LMX1B: variants seen among roughly 807,000 people sequenced by gnomAD.
The protein encoded by LMX1B is LIM homeobox transcription factor 1 beta.
Under a neutral mutation model 51.4 loss-of-function variants are expected in LMX1B, and 12 were observed. The observed-to-expected ratio is 0.23, with a 90% CI of 0.15 to 0.38. LMX1B has a LOEUF of 0.38. Among genes scored for constraint, LMX1B ranks in the 10% least tolerant of loss-of-function variants. LMX1B has a pLI of 1.00. For synonymous variants in LMX1B, 237 were observed against 235.4 expected (o/e 1.01, Z -0.06); for missense variants, 445 against 571.1 (o/e 0.78, Z 2.25).
At chr9:126,623,745 G>A (rs1255007242) in intron 2 of LMX1B, among the ~76,000 whole-genome samples, 1 of 141,636 alleles carries the variant, frequency 7.1e-6, no homozygotes, top group African/African-American at 2.6e-5. Flanking sequence ...GGAGCAGGGT[G>A]TCACTGACCT....
At chr9:126,693,458 C>T (rs1410868346) in intron 4 of LMX1B, 66 bp from the exon 5 acceptor site, 2 of 1,581,828 alleles carry the variant, frequency 1.3e-6, no homozygotes, top group South Asian at 1.1e-5. Flanking sequence ...CATCATACCC[C>T]TAAACCCACC....
chr9:126,683,441 G>A (rs75257263), intron 2 of LMX1B, among the ~76,000 whole-genome samples: 2,291 of 152,318 alleles, frequency 0.015, 70 homozygotes, highest in African/African-American at 0.052. Context: ...GGCACGTGGG[G>A]GAGATGTCAG....
rs1418850196 is a variant in LMX1B at position 126,677,751 on chromosome 9, C to T, written c.327-13085C>T. 2.0e-5 allele frequency among the ~76,000 whole-genome samples: 3 copies of T among 152,162 alleles called. No homozygotes were observed. Among genetic ancestry groups the T allele is most frequent in the Non-Finnish European group, 4.4e-5 (3 of 68,030 alleles). On this transcript the variant is annotated intron_variant, in intron 2 of 7. Transcript: ENST00000373474. The surrounding 1 kb of genome is among the most constrained non-coding windows in gnomAD (Gnocchi z 5.0). ...GTCTGCCAGCTTCATTCACAGCCTGCGTTCAAACATTCGAGCAGGAGCACA... is the reference window on the plus strand; with the variant it reads ...GTCTGCCAGCTTCATTCACAGCCTGTGTTCAAACATTCGAGCAGGAGCACA...
chr9:126,642,141 G>A (rs959531024), intron 2 of LMX1B, among the ~76,000 whole-genome samples: 3 of 152,182 alleles, frequency 2.0e-5, no homozygotes, highest in African/African-American at 7.2e-5. Flanking sequence ...TAGGAGGCTG[G>A]AGCTGAGTCT....
chr9:126,692,659 G>C (rs1486677440), intron 3 of LMX1B, among the ~76,000 whole-genome samples: 1 of 152,240 alleles, frequency 6.6e-6, no homozygotes, highest in Non-Finnish European at 1.5e-5. Flanking sequence ...ATACGCTGTG[G>C]TCAGAAGCAC....
chr9:126,617,343 G>A (rs1835322400), intron 2 of LMX1B, among the ~76,000 whole-genome samples: 1 of 151,830 alleles, frequency 6.6e-6, no homozygotes, highest in Non-Finnish European at 1.5e-5. Context: ...TGGGGGAAGG[G>A]GGCCCAGGAA....
chr9:126,682,013 G>A (rs1216490230), intron 2 of LMX1B, among the ~76,000 whole-genome samples: 4 of 135,866 alleles, frequency 2.9e-5, no homozygotes, highest in Non-Finnish European at 4.6e-5. Context: ...AGCTCTACCT[G>A]CACCTTGTCC....
At chr9:126,655,917 G>T (rs909021840) in intron 2 of LMX1B, among the ~76,000 whole-genome samples, 1 of 152,132 alleles carries the variant, frequency 6.6e-6, no homozygotes, top group African/African-American at 2.4e-5. Context: ...TTCCCAAAAG[G>T]GTATAGACAG....
intron 2 of LMX1B, among the ~76,000 whole-genome samples, chr9:126,670,800 T>C (rs1238227110): frequency 6.6e-6 from 1 of 152,220 alleles, no homozygotes; most frequent in Non-Finnish European, 1.5e-5. Flanking sequence ...AACGTTTCCA[T>C]GTAACACGGA....
At chr9:126,614,757 C>T (rs1254085017) in intron 1 of LMX1B, among the ~76,000 whole-genome samples, 169 bp downstream of exon 1, 2 of 152,154 alleles carry the variant, frequency 1.3e-5, no homozygotes, top group Non-Finnish European at 2.9e-5. Context: ...GCAAGTACGC[C>T]TCCGGCAGGC....
intron 2 of LMX1B, among the ~76,000 whole-genome samples, chr9:126,659,047 A>C (rs1281165373): frequency 6.6e-6 from 1 of 152,194 alleles, no homozygotes; most frequent in African/African-American, 2.4e-5. Context: ...CCTCTCCTTC[A>C]TGCACGCACA....
At chr9:126,678,329 CAA>C (rs942985684) in intron 2 of LMX1B, among the ~76,000 whole-genome samples, 1 of 117,820 alleles carries the variant, frequency 8.5e-6, no homozygotes, top group Admixed American at 8.1e-5. Context: ...AAACAAAAAA[CAA>C]AAAAAAAAAA....
intron 2 of LMX1B, among the ~76,000 whole-genome samples, chr9:126,653,683 G>A (rs1399024042): frequency 2.0e-5 from 3 of 152,100 alleles, no homozygotes; most frequent in East Asian, 1.9e-4. Context: ...ACATGCGAAC[G>A]TTCCCGGATC....
At chr9:126,633,454 T>C (rs908157594) in intron 2 of LMX1B, among the ~76,000 whole-genome samples, 27 of 152,146 alleles carry the variant, frequency 1.8e-4, no homozygotes, top group African/African-American at 5.1e-4. Flanking sequence ...TGGGCCTAGC[T>C]CATTGCCTGG....
In LMX1B at chr9:126,690,856, G is replaced by A. The variant is rs748223173; in HGVS notation, c.347G>A (p.Ser116Asn). The change falls in exon 3 of 8, where the codon AGC becomes AAC. Residue 116 changes from serine to asparagine, a missense_variant. Transcript: ENST00000373474. ...CGCAGGCTCTTCGCGGCCAAGTGCA[G>A]CGGCTGCATGGAGAAGATCGCCCCC... The part of the protein sequence containing the change: ...DYQQLFAAKC[S>N]GCMEKIAPTE... The A allele has an allele frequency of 6.2e-7, 1 of 1,612,218 alleles. No individual in the cohort carries two copies. The highest frequency in any genetic ancestry group is 2.2e-5 in the East Asian group (1 of 44,834).
intron 2 of LMX1B, among the ~76,000 whole-genome samples, chr9:126,686,979 C>T (rs1300589969): frequency 1.3e-5 from 2 of 152,130 alleles, no homozygotes; most frequent in African/African-American, 2.4e-5. Flanking sequence ...GGCCGGAACC[C>T]GGGGTGGTGG....
intron 2 of LMX1B, among the ~76,000 whole-genome samples, chr9:126,616,558 G>A (rs991600845): frequency 2.1e-4 from 32 of 152,232 alleles, no homozygotes; most frequent in Non-Finnish European, 7.3e-5. Context: ...CACAGCGGGT[G>A]CCTGCGAAAA....
chr9:126,696,017 C>CCT lies in LMX1B; in HGVS notation c.1051+15_1051+16insTC. The CCT allele has an allele frequency of 1.3e-6, 2 of 1,497,324 alleles. No homozygotes were observed. Among genetic ancestry groups the CCT allele is most frequent in the Non-Finnish European group, 1.8e-6 (2 of 1,122,900 alleles). The allele number at this position is 1,497,324 out of a possible 1,614,324, so 92.8% of individuals were successfully genotyped here. A position where few individuals can be genotyped will look rare whatever the true frequency, so the allele number is the denominator to read the frequency against. On this transcript the variant is annotated intron_variant, in intron 7 of 7. Coordinates refer to ENST00000373474, the MANE Select transcript of LMX1B (RefSeq NM_001174147.2). ...TGAACCCCTATGGTAAGCCGCCCTA[C>CCT]CCCCACCCGCCCGCCCCAGCACAGC...
intron 2 of LMX1B, among the ~76,000 whole-genome samples, chr9:126,685,473 A>G (rs931767152): frequency 2.2e-4 from 33 of 152,130 alleles, no homozygotes; most frequent in African/African-American, 7.2e-4. Context: ...CTCTCTCCCA[A>G]CCTTCTGCTT....
Sources: allele counts gnomAD v4.1 joint callset (sites outside exome capture counted in the v4.1 genomes callset), GRCh38; gene constraint gnomAD v4.1.1; non-coding constraint Gnocchi (gnomAD v3.1); transcripts MANE v1.5; gene names NCBI Gene and HGNC (gene_info 2026-07-23, HGNC 2026-07-21).